The following CCDC60 variants were observed in gnomAD, a reference collection of about 807,000 sequenced individuals.
The protein encoded by CCDC60 is coiled-coil domain-containing protein 60.
In CCDC60, 54 loss-of-function variants were observed where a neutral mutation model predicts 63.5. The ratio of observed to expected loss-of-function variants is 0.85; its 90% CI spans 0.68 to 1.07. CCDC60 has a LOEUF of 1.07. CCDC60 is among the 50% of genes least tolerant of loss of function. CCDC60 has a pLI of 0.00. For missense variants in CCDC60, 651 were observed against 684.3 expected (o/e 0.95, Z 0.54); for synonymous variants, 206 against 238.8 (o/e 0.86, Z 1.27).
At position 119,505,113 on chromosome 12, in the gene CCDC60, A is replaced by G. The variant is rs1424261212; in HGVS notation, c.693A>G (p.Lys231=). Residue 231 remains lysine (K), a synonymous_variant, in exon 7 of 14, where the codon AAA becomes AAG. Transcript: ENST00000327554. ...KIPTMRVTNR[K]PSRRGSTLSL... is the part of the protein sequence containing the mutation. The stretch of plus-strand genomic sequence containing the variant: ...CCACAATGCGAGTCACCAACCGCAA[A>G]CCAAGCCGGCGAGGCTCCACACTCA... 6.2e-7 allele frequency: 1 copy of G among 1,611,744 alleles called. No individual in the cohort carries two copies. Among genetic ancestry groups the G allele is most frequent in the East Asian group, 2.2e-5 (1 of 44,780 alleles).
At chr12:119,407,856 G>C (rs1956522166) in intron 1 of CCDC60, among the ~76,000 whole-genome samples, 1 of 152,170 alleles carries the variant, frequency 6.6e-6, no homozygotes, top group Non-Finnish European at 1.5e-5. Flanking sequence ...GTCTGATTAA[G>C]TCTGTGCTTT....
intron 1 of CCDC60, among the ~76,000 whole-genome samples, chr12:119,402,007 T>C (rs1210303713): frequency 6.6e-6 from 1 of 152,178 alleles, no homozygotes; most frequent in Non-Finnish European, 1.5e-5. Flanking sequence ...CCTGGCTCTG[T>C]CCTAAGAACT....
intron 1 of CCDC60, among the ~76,000 whole-genome samples, chr12:119,363,216 C>T (rs1019169305): frequency 1.3e-5 from 2 of 152,210 alleles, no homozygotes; most frequent in African/African-American, 4.8e-5. Flanking sequence ...CTTATTTTAG[C>T]CTCTCTGGTG....
intron 1 of CCDC60, among the ~76,000 whole-genome samples, chr12:119,378,765 G>C (rs1955980003): frequency 1.3e-5 from 2 of 152,132 alleles, no homozygotes; most frequent in Non-Finnish European, 2.9e-5. Flanking sequence ...GATCCTCAAG[G>C]CACAAGCCTA....
In CCDC60 at chr12:119,417,316, T is replaced by A. The variant is rs77784576; in HGVS notation, c.91-11367T>A. ...TCCCCCACAACAAATAGCGATTTGG[T>A]CCCAAACTTCAGTCATCCTGAGGAA... On this transcript the variant is annotated intron_variant, in intron 1 of 13. Transcript: ENST00000327554. Among the ~76,000 whole-genome samples the A allele has an allele frequency of 5.2e-3, 787 of 152,224 alleles. 11 individuals are homozygous for A. Among genetic ancestry groups the A allele is most frequent in the African/African-American group, 0.018 (747 of 41,534 alleles).
Position 119,540,631 on chromosome 12 carries a change from C to T in CCDC60, c.1569C>T (p.Ile523=). Residue 523 remains isoleucine, a synonymous_variant, in exon 14 of 14, where the codon ATC becomes ATT. Transcript: ENST00000327554. ...CCTCACAGTTTGTGCGAGAACACAT[C>T]ATCCATATGCCTCAAGAGGATTACA... ...AVAIEFVREH[I]IHMPQEDYIS... The T allele has an allele frequency of 1.2e-6, 2 of 1,613,858 alleles. No individual in the cohort carries two copies. Among genetic ancestry groups the T allele is most frequent in the South Asian group, 1.1e-5 (1 of 91,076 alleles).
At chr12:119,482,437 T>C (rs537873351) in intron 4 of CCDC60, among the ~76,000 whole-genome samples, 1 of 152,304 alleles carries the variant, frequency 6.6e-6, no homozygotes, top group Non-Finnish European at 1.5e-5. Context: ...TTTTAGGCTT[T>C]GCTGACCAGG....
intron 12 of CCDC60, 131 bp downstream of exon 12, chr12:119,528,877 A>G (rs770785285): frequency 1.1e-4 from 100 of 886,540 alleles, no homozygotes; most frequent in Non-Finnish European, 1.6e-4. Context: ...ATTGGCCATC[A>G]ACAGGATCCC....
intron 1 of CCDC60, among the ~76,000 whole-genome samples, chr12:119,384,859 A>C (rs1482705621): frequency 6.6e-6 from 1 of 152,172 alleles, no homozygotes; most frequent in African/African-American, 2.4e-5. Context: ...TTTCTTTATG[A>C]CACCTTGACC....
chr12:119,432,608 A>G (rs946714247), intron 2 of CCDC60, among the ~76,000 whole-genome samples: 1 of 152,176 alleles, frequency 6.6e-6, no homozygotes, highest in African/African-American at 2.4e-5. Context: ...CTGTAGACAA[A>G]TGGCTGTTGA....
chr12:119,477,917 C>T (rs1032362073), intron 3 of CCDC60, among the ~76,000 whole-genome samples: 1 of 151,984 alleles, frequency 6.6e-6, no homozygotes, highest in East Asian at 1.9e-4. Flanking sequence ...CACACACACA[C>T]ACTCACAGAG....
intron 1 of CCDC60, among the ~76,000 whole-genome samples, chr12:119,417,580 TAGTTATTTA>T (rs1224683042): frequency 6.6e-6 from 1 of 152,164 alleles, no homozygotes; most frequent in East Asian, 1.9e-4. Context: ...TCTGTCCCCC[TAGTTATTTA>T]ACTAGTACCT....
chr12:119,348,043 C>T (rs924687914), intron 1 of CCDC60, among the ~76,000 whole-genome samples: 1 of 152,140 alleles, frequency 6.6e-6, no homozygotes, highest in Non-Finnish European at 1.5e-5. Flanking sequence ...CTTCTAAGAG[C>T]CCTTGAAGAA....
At chr12:119,393,822 T>C (rs536419335) in intron 1 of CCDC60, among the ~76,000 whole-genome samples, 5 of 152,208 alleles carry the variant, frequency 3.3e-5, no homozygotes, top group Non-Finnish European at 5.9e-5. Context: ...TAAGGATTCA[T>C]TTAATAAATG....
At chr12:119,466,614 C>A (rs1172647389) in intron 2 of CCDC60, among the ~76,000 whole-genome samples, 3 of 152,166 alleles carry the variant, frequency 2.0e-5, no homozygotes, top group Non-Finnish European at 4.4e-5. Context: ...CAGGTGCACC[C>A]TCCTTTGATG....
At chr12:119,444,164 G>T (rs1195392241) in intron 2 of CCDC60, among the ~76,000 whole-genome samples, 1 of 152,162 alleles carries the variant, frequency 6.6e-6, no homozygotes, top group Non-Finnish European at 1.5e-5. Flanking sequence ...ATAGTTTGTT[G>T]TTTGCCTTGA....
chr12:119,404,313 G>A (rs1956446099), intron 1 of CCDC60, among the ~76,000 whole-genome samples: 1 of 152,138 alleles, frequency 6.6e-6, no homozygotes, highest in Non-Finnish European at 1.5e-5. Flanking sequence ...AAGTCATTTT[G>A]TTTATCCTTC....
chr12:119,409,197 CT>C (rs1472742742), intron 1 of CCDC60, among the ~76,000 whole-genome samples: 1 of 152,168 alleles, frequency 6.6e-6, no homozygotes, highest in Non-Finnish European at 1.5e-5. Context: ...CATCGCCAAC[CT>C]GGGTGCTGGG....
intron 1 of CCDC60, among the ~76,000 whole-genome samples, chr12:119,419,245 C>T (rs1956764975): frequency 6.6e-6 from 1 of 152,220 alleles, no homozygotes; most frequent in Non-Finnish European, 1.5e-5. Context: ...TGTCTGCTTC[C>T]CAGAGGCCCC....
Sources: allele counts gnomAD v4.1 joint callset (sites outside exome capture counted in the v4.1 genomes callset), GRCh38; gene constraint gnomAD v4.1.1; transcripts MANE v1.5; gene names NCBI Gene and HGNC (gene_info 2026-07-23, HGNC 2026-07-21).